The following ZNF223 variants were observed in gnomAD, a reference collection of about 807,000 sequenced individuals.
ZNF223 encodes the protein Homo sapiens zinc finger protein 223.
Under a neutral mutation model 12.3 loss-of-function variants are expected in ZNF223, and 9 were observed. The ratio of observed to expected loss-of-function variants is 0.73; its 90% CI spans 0.44 to 1.28. The LOEUF (loss-of-function observed/expected upper bound fraction) is 1.28, where lower values mean the gene tolerates loss of function less well. Ranked by LOEUF, ZNF223 falls within the 50% of genes most tolerant of loss-of-function variation. ZNF223 has a pLI of 0.00. For missense variants in ZNF223, 506 were observed against 579.0 expected (o/e 0.87, Z 1.29); for synonymous variants, 171 against 195.2 (o/e 0.88, Z 1.03).
At chr19:44,054,756 A>G (rs569124002) in intron 1 of ZNF223, among the ~76,000 whole-genome samples, 18 of 152,116 alleles carry the variant, frequency 1.2e-4, no homozygotes, top group Non-Finnish European at 2.4e-4. Context: ...TTTCTATTCT[A>G]TTCTACTTGT....
At chr19:44,066,029 G>A (rs767841101) in intron 4 of ZNF223, 35 bp from the exon 5 acceptor site, 1 of 1,550,516 alleles carries the variant, frequency 6.4e-7, no homozygotes, top group East Asian at 2.2e-5. Flanking sequence ...ACAGGGCATA[G>A]CTTGTCCTGA....
rs771557089 is a variant in ZNF223 at position 44,066,153 on chromosome 19, A to G, written c.325A>G (p.Ser109Gly). 1.2e-6 allele frequency: 2 copies of G among 1,614,168 alleles called. No individual in the cohort carries two copies. Among genetic ancestry groups the G allele is most frequent in the Non-Finnish European group, 8.5e-7 (1 of 1,180,020 alleles). The change falls in exon 5 of 5, where the codon AGT becomes GGT. Residue 109 changes from serine (S) to glycine (G), a missense_variant. Ser to Gly is a moderately conservative substitution (Grantham distance 56, BLOSUM62 0). Coordinates refer to ENST00000434772, the MANE Select transcript of ZNF223 (RefSeq NM_013361.6). Reference sequence around the variant, plus strand: ...CCAGCAGATCTGGGAAGAAATTGCAAGTGATTTAACCAGGCCTCAAGACTC... The same window carrying G: ...CCAGCAGATCTGGGAAGAAATTGCAGGTGATTTAACCAGGCCTCAAGACTC... ...SCQQIWEEIA[S>G]DLTRPQDSTI...
At chr19:44,062,853 C>G (rs1431231025) in intron 4 of ZNF223, among the ~76,000 whole-genome samples, 1 of 152,218 alleles carries the variant, frequency 6.6e-6, no homozygotes, top group Non-Finnish European at 1.5e-5. Context: ...GTTCCTCCTT[C>G]CTTCCCTTAG....
chr19:44,059,094 A>G (rs2147472865), intron 2 of ZNF223, among the ~76,000 whole-genome samples: 1 of 152,258 alleles, frequency 6.6e-6, no homozygotes, highest in South Asian at 2.1e-4. Flanking sequence ...GTGTTCTGTG[A>G]CCCATTTGTG....
intron 4 of ZNF223, among the ~76,000 whole-genome samples, chr19:44,064,843 G>C (rs1976884101): frequency 6.6e-6 from 1 of 152,136 alleles, no homozygotes; most frequent in South Asian, 2.1e-4. Flanking sequence ...AGTCGGGCAT[G>C]TTACATACCC....
At position 44,067,767 on chromosome 19, in the gene ZNF223, G is replaced by C. The variant is rs1976942166; in HGVS notation, c.*490G>C. 4.2e-6 allele frequency: 1 copy of C among 236,588 alleles called. No homozygotes were observed. The highest frequency in any genetic ancestry group is 8.5e-6 in the Non-Finnish European group (1 of 117,426). The allele number at this position is 236,588 out of a possible 1,614,324, so 14.7% of individuals were successfully genotyped here. A position where few individuals can be genotyped will look rare whatever the true frequency, so the allele number is the denominator to read the frequency against. On this transcript the variant is annotated 3_prime_UTR_variant, in exon 5 of 5. Transcript: ENST00000434772. The stretch of plus-strand genomic sequence containing the variant: ...GAGACAGGTCTTAGTATAAGAGTTT[G>C]TTCACACACTTTCAAAACACTAATG...
intron 2 of ZNF223, among the ~76,000 whole-genome samples, chr19:44,056,585 A>ATTTTTTTTTTTTTT (rs775187674): frequency 6.9e-5 from 5 of 72,158 alleles, no homozygotes; most frequent in African/African-American, 3.4e-4. Flanking sequence ...ATGCCTCACC[A>ATTTTTTTTTTTTTT]TTTTTTTTTT....
intron 4 of ZNF223, among the ~76,000 whole-genome samples, chr19:44,061,794 C>G (rs1976842417): frequency 6.6e-6 from 1 of 152,232 alleles, no homozygotes; most frequent in Non-Finnish European, 1.5e-5. Flanking sequence ...TTGCTTTTCT[C>G]TCTGACTGGA....
At position 44,067,335 on chromosome 19, in the gene ZNF223, A is replaced by G; in HGVS notation, c.*58A>G. ...ATTTAAATATATGTATATGATGTAT[A>G]ATGATCAAATCAGTGTAATTAGCAC... On this transcript the variant is annotated 3_prime_UTR_variant, in exon 5 of 5. Transcript: ENST00000434772. 1 of 1,479,694 alleles carries G rather than the reference A, an allele frequency of 6.8e-7. No homozygotes were observed. The highest frequency in any genetic ancestry group is 9.2e-7 in the Non-Finnish European group (1 of 1,081,878). The allele number at this position is 1,479,694 out of a possible 1,614,324, so 91.7% of individuals were successfully genotyped here.
chr19:44,056,636 T>A (rs1238079655), intron 2 of ZNF223, among the ~76,000 whole-genome samples: 3 of 120,948 alleles, frequency 2.5e-5, no homozygotes, highest in African/African-American at 9.7e-5. Context: ...CTCTGTTGCC[T>A]AGGCTGGAGT....
Position 44,067,529 on chromosome 19 carries a change from C to A in ZNF223, c.*252C>A. 1 of 522,588 alleles carries A rather than the reference C, an allele frequency of 1.9e-6. No homozygotes were observed. Among genetic ancestry groups the A allele is most frequent in the South Asian group, 1.7e-5 (1 of 59,834 alleles). The allele number at this position is 522,588 out of a possible 1,614,324, so 32.4% of individuals were successfully genotyped here. On this transcript the variant is annotated 3_prime_UTR_variant, in exon 5 of 5. Transcript: ENST00000434772. Reference sequence around the variant, plus strand: ...TTTGCATCCATTAGCCAACCTTTGGCCATCCCACCTATCCCTTACCCTTCC... The same window carrying A: ...TTTGCATCCATTAGCCAACCTTTGGACATCCCACCTATCCCTTACCCTTCC...
In ZNF223 at chr19:44,060,473, G is replaced by C. The variant is rs1194303353; in HGVS notation, c.34G>C (p.Asp12His). 3.1e-6 allele frequency: 5 copies of C among 1,614,176 alleles called. No individual in the cohort carries two copies. The highest frequency in any genetic ancestry group is 4.2e-6 in the Non-Finnish European group (5 of 1,180,014). ...TMSKEAVTFKDVAVVFTEEEL... is the reference protein window; with the variant it reads ...TMSKEAVTFKHVAVVFTEEEL... ...GCTGTAGGAGGCAGTGACCTTCAAG[G>C]ATGTGGCAGTGGTCTTCACTGAGGA... Residue 12 changes from aspartate (D) to histidine (H), a missense_variant, in exon 3 of 5, where the codon GAT (aspartate) becomes CAT (histidine). By Grantham distance (81) the Asp-to-His change is moderately conservative. Coordinates refer to ENST00000434772, the MANE Select transcript of ZNF223 (RefSeq NM_013361.6).
Position 44,060,474 on chromosome 19 carries a change from A to T in ZNF223, c.35A>T (p.Asp12Val). 2 of 1,614,104 alleles carry T rather than the reference A, an allele frequency of 1.2e-6. No homozygotes were observed. Among genetic ancestry groups the T allele is most frequent in the Non-Finnish European group, 1.7e-6 (2 of 1,179,972 alleles). Residue 12 changes from aspartate (D) to valine (V), a missense_variant, in exon 3 of 5, where the codon GAT (aspartate) becomes GTT (valine). By Grantham distance (152) the Asp-to-Val change is radical. Transcript: ENST00000434772. Reference protein sequence around the residue: ...TMSKEAVTFKDVAVVFTEEEL... With the variant: ...TMSKEAVTFKVVAVVFTEEEL... ...CTGTAGGAGGCAGTGACCTTCAAGG[A>T]TGTGGCAGTGGTCTTCACTGAGGAG... is the stretch of plus-strand genomic sequence containing the variant.
chr19:44,066,402 C>A lies in ZNF223; in HGVS notation c.574C>A (p.His192Asn), dbSNP rs1237949914. The A allele has an allele frequency of 6.2e-7, 1 of 1,614,106 alleles. No individual in the cohort carries two copies. Among genetic ancestry groups the A allele is most frequent in the Non-Finnish European group, 8.5e-7 (1 of 1,180,056 alleles). Residue 192 changes from histidine to asparagine, a missense_variant, in exon 5 of 5, where the codon CAT (histidine) becomes AAT (asparagine). By Grantham distance (68) the His-to-Asn change is moderately conservative. Transcript: ENST00000434772. ...GKSFCYISAL[H>N]IHQRVHLGEK... ...AAGCTTCTGTTACATCTCAGCGCTT[C>A]ATATTCATCAGAGAGTCCACCTGGG... is the stretch of plus-strand genomic sequence containing the variant.
At chr19:44,061,282 G>A (rs536386401) in intron 4 of ZNF223, among the ~76,000 whole-genome samples, 23 of 152,232 alleles carry the variant, frequency 1.5e-4, no homozygotes, top group East Asian at 7.7e-4. Flanking sequence ...CAATGACCAC[G>A]AACTTAGATG....
intron 2 of ZNF223, 97 bp from the exon 3 acceptor site, chr19:44,060,358 A>G (rs1476981894): frequency 2.6e-6 from 4 of 1,549,322 alleles, no homozygotes; most frequent in Non-Finnish European, 3.5e-6. Context: ...GAAGATCCTG[A>G]AAAACTTTCC....
At chr19:44,058,769 T>C (rs903639882) in intron 2 of ZNF223, among the ~76,000 whole-genome samples, 22 of 152,232 alleles carry the variant, frequency 1.4e-4, no homozygotes, top group African/African-American at 4.1e-4. Flanking sequence ...CTATCGGCCA[T>C]TGCCTATGGC....
chr19:44,057,414 A>T (rs1214513557), intron 2 of ZNF223, among the ~76,000 whole-genome samples: 2 of 152,210 alleles, frequency 1.3e-5, no homozygotes, highest in African/African-American at 4.8e-5. Flanking sequence ...AATATGTGAA[A>T]TTAAATATTT....
Position 44,065,489 on chromosome 19 carries a change from T to C in ZNF223, c.236-575T>C, listed in dbSNP as rs541823019. The stretch of plus-strand genomic sequence containing the variant: ...ATTTTAAAAACAGTAACAGGTTAAA[T>C]GTATGTGTCATATTAATTTTTTATT... On this transcript the variant is annotated intron_variant, in intron 4 of 4. Transcript: ENST00000434772. Among the ~76,000 whole-genome samples the C allele has an allele frequency of 2.0e-5, 3 of 152,188 alleles. No homozygotes were observed. The South Asian group carries it at 6.2e-4, about 32-fold the overall frequency.
Sources: gnomAD v4.1 joint callset for allele counts (sites outside exome capture counted in the v4.1 genomes callset) on GRCh38, gnomAD v4.1.1 for gene constraint, MANE v1.5 for transcripts, NCBI Gene and HGNC (gene_info 2026-07-23, HGNC 2026-07-21) for gene names.